VIPAS39: variants seen among roughly 807,000 people sequenced by gnomAD.
VIPAS39 encodes spermatogenesis-defective protein 39 homolog.
In VIPAS39, 63 loss-of-function variants were observed where a neutral mutation model predicts 84.7. The ratio of observed to expected loss-of-function variants is 0.74; its 90% CI spans 0.61 to 0.92. The LOEUF (loss-of-function observed/expected upper bound fraction) is 0.92. VIPAS39 is among the 40% of genes least tolerant of loss of function. The pLI, the probability that VIPAS39 is intolerant of heterozygous loss-of-function variation, is 0.00. For synonymous variants in VIPAS39, 192 were observed against 216.5 expected (o/e 0.89, Z 0.99); for missense variants, 499 against 604.5 (o/e 0.83, Z 1.83).
chr14:77,442,564 A>G lies in VIPAS39; in HGVS notation c.730T>C (p.Phe244Leu). The change falls in exon 10 of 20, where the codon TTC (phenylalanine) becomes CTC (leucine). Residue 244 changes from phenylalanine (F) to leucine (L), a missense_variant. Transcript: ENST00000557658. ...IGDQKLLLDL[F>L]RFLDRTEELA... is the part of the protein sequence containing the mutation. ...GACCAGATGATCAGTTCTTACCTGA[A>G]GAGGTCTAAAAGCAACTTTTGATCC... The G allele has an allele frequency of 6.2e-7, 1 of 1,613,604 alleles. No individual in the cohort carries two copies. The highest frequency in any genetic ancestry group is 8.5e-7 in the Non-Finnish European group (1 of 1,179,490).
At chr14:77,450,923 G>A (rs1332834402) in intron 4 of VIPAS39, among the ~76,000 whole-genome samples, 1 of 152,196 alleles carries the variant, frequency 6.6e-6, no homozygotes, top group East Asian at 1.9e-4. Context: ...TGCACAAGGA[G>A]TAGGGAGGAA....
chr14:77,428,280 C>T (rs1177837151), intron 19 of VIPAS39, 90 bp downstream of exon 19: 2 of 1,216,234 alleles, frequency 1.6e-6, no homozygotes, highest in East Asian at 2.5e-5. Flanking sequence ...CAACTGCAAT[C>T]CTTCCAGACC....
In VIPAS39 at chr14:77,428,342, G is replaced by A; in HGVS notation, c.1461+28C>T. On this transcript the variant is annotated intron_variant, in intron 19 of 19. Coordinates refer to ENST00000557658, the MANE Select transcript of VIPAS39 (RefSeq NM_001193315.2). ...TGTGAACTGTCTGTCTCCTGAGCCT[G>A]CTGGAGGGGTGAACTGTAGCTGCTC... 5.6e-6 allele frequency: 9 copies of A among 1,594,398 alleles called. No homozygotes were observed. In the South Asian group the frequency reaches 9.9e-5, roughly 18 times the overall value.
intron 9 of VIPAS39, 21 bp downstream of exon 9, chr14:77,443,098 T>G (rs756196520): frequency 1.2e-6 from 2 of 1,614,208 alleles, no homozygotes; most frequent in Non-Finnish European, 1.7e-6. Flanking sequence ...TGACTGAAGA[T>G]TTCCTGCAAG....
chr14:77,430,698 C>G (rs1181540104), intron 16 of VIPAS39, among the ~76,000 whole-genome samples: 2 of 126,140 alleles, frequency 1.6e-5, no homozygotes, highest in African/African-American at 3.0e-5. Context: ...GCCTGGGTGA[C>G]AGAGCAAGAC....
intron 18 of VIPAS39, 119 bp downstream of exon 18, chr14:77,428,887 T>C (rs2078472922): frequency 4.5e-6 from 4 of 894,040 alleles, no homozygotes; most frequent in Non-Finnish European, 7.4e-6. Context: ...CAGATTATTC[T>C]GTCCATTCAG....
intron 8 of VIPAS39, 71 bp downstream of exon 8, chr14:77,444,178 C>T (rs1945867817): frequency 7.0e-7 from 1 of 1,430,886 alleles, no homozygotes; most frequent in Non-Finnish European, 9.8e-7. Context: ...AAATGTTAGT[C>T]TATTTGATTG....
At chr14:77,438,688 A>G (rs1419085678) in intron 11 of VIPAS39, among the ~76,000 whole-genome samples, 2 of 152,210 alleles carry the variant, frequency 1.3e-5, no homozygotes, top group Non-Finnish European at 2.9e-5. Context: ...TTAGATTTTG[A>G]AAAGTCCAAG....
chr14:77,449,692 TAA>T lies in VIPAS39; in HGVS notation c.382+20_382+21del. ...GATCAGTAACATTTCCCACAGCAAT[TAA>T]AAGAGGGTTCAATGCCTACCATCAG... On this transcript the variant is annotated intron_variant, in intron 5 of 19. Coordinates refer to ENST00000557658, the MANE Select transcript of VIPAS39 (RefSeq NM_001193315.2). The T allele has an allele frequency of 6.2e-7, 1 of 1,614,020 alleles. No homozygotes were observed. Among genetic ancestry groups the T allele is most frequent in the Non-Finnish European group, 8.5e-7 (1 of 1,179,956 alleles).
At chr14:77,429,581 A>G (rs2078487411) in intron 17 of VIPAS39, 100 bp downstream of exon 17, 1 of 1,256,196 alleles carries the variant, frequency 8.0e-7, no homozygotes. Context: ...CCTTTAAGGG[A>G]AAACAAGAGC....
chr14:77,454,542 C>T (rs536277201), intron 1 of VIPAS39, among the ~76,000 whole-genome samples: 22 of 152,088 alleles, frequency 1.4e-4, no homozygotes, highest in Admixed American at 4.6e-4. Flanking sequence ...GGCATGGTGG[C>T]GCATGCCTGT....
chr14:77,445,508 G>A (rs2078774278), intron 7 of VIPAS39, among the ~76,000 whole-genome samples: 1 of 151,876 alleles, frequency 6.6e-6, no homozygotes, highest in African/African-American at 2.4e-5. Context: ...GTGCAGCCTC[G>A]ACTTCCTGGG....
chr14:77,442,993 AGGCCAC>A (rs2078726492), intron 9 of VIPAS39, 120 bp downstream of exon 9: 1 of 1,296,544 alleles, frequency 7.7e-7, no homozygotes, highest in African/African-American at 1.8e-5. Flanking sequence ...CTGAAGTCTC[AGGCCAC>A]CCCACTTGTC....
intron 16 of VIPAS39, among the ~76,000 whole-genome samples, chr14:77,431,971 A>G (rs1401778181): frequency 6.6e-6 from 1 of 152,256 alleles, no homozygotes; most frequent in African/African-American, 2.4e-5. Flanking sequence ...ACAAATGGAT[A>G]CAGAAACTAT....
At position 77,426,894 on chromosome 14, in the gene VIPAS39, T is replaced by C. The variant is rs934732555; in HGVS notation, c.*722A>G. ...TGAGATTTTTGCATAAAGAGAGAGC[T>C]CTCCAGCACTGCTGCATCTGAGCTT... On this transcript the variant is annotated 3_prime_UTR_variant, in exon 20 of 20. Transcript: ENST00000557658. 37 of 152,120 alleles carry C rather than the reference T, an allele frequency of 2.4e-4. No individual in the cohort carries two copies. The highest frequency in any genetic ancestry group is 8.9e-4 in the African/African-American group (37 of 41,422). The allele number at this position is 152,120 out of a possible 1,614,324, so 9.4% of individuals were successfully genotyped here. A position where few individuals can be genotyped will look rare whatever the true frequency, so the allele number is the denominator to read the frequency against.
Position 77,444,186 on chromosome 14 carries a change from T to C in VIPAS39, c.597+63A>G, listed in dbSNP as rs2078749438. On this transcript the variant is annotated intron_variant, in intron 8 of 19. Coordinates refer to ENST00000557658, the MANE Select transcript of VIPAS39 (RefSeq NM_001193315.2). ...TAACACAAAATGTTAGTCTATTTGA[T>C]TGGATTTTCAGAAACTAGTGAAAAC... 3 of 1,497,598 alleles carry C rather than the reference T, an allele frequency of 2.0e-6. No individual in the cohort carries two copies. In the African/African-American group the frequency reaches 4.1e-5, roughly 21 times the overall value. The allele number at this position is 1,497,598 out of a possible 1,614,324, so 92.8% of individuals were successfully genotyped here. A position where few individuals can be genotyped will look rare whatever the true frequency, so the allele number is the denominator to read the frequency against.
rs769426372 is a variant in VIPAS39 at position 77,454,051 on chromosome 14, T to C, written c.52A>G (p.Lys18Glu). The stretch of plus-strand genomic sequence containing the variant: ...TCTTCATCGTCAAAGGTAAAAGCCT[T>C]GAACTTGGAGCTGTTCCAATACTCC... ...EEEYWNSSKF[K>E]AFTFDDEDDE... The change falls in exon 2 of 20, where the codon AAG becomes GAG. Residue 18 changes from lysine (K) to glutamate (E), a missense_variant. Transcript: ENST00000557658. The C allele has an allele frequency of 6.2e-7, 1 of 1,614,198 alleles. No homozygotes were observed. The highest frequency in any genetic ancestry group is 8.5e-7 in the Non-Finnish European group (1 of 1,180,030).
At chr14:77,443,852 G>A (rs1047778549) in intron 8 of VIPAS39, among the ~76,000 whole-genome samples, 10 of 142,946 alleles carry the variant, frequency 7.0e-5, no homozygotes, top group African/African-American at 2.1e-4. Context: ...TAGCCTGGGC[G>A]ACAGAGTGAG....
chr14:77,449,214 G>C, intron 6 of VIPAS39, 79 bp downstream of exon 6: 1 of 1,459,880 alleles, frequency 6.8e-7, no homozygotes, highest in Non-Finnish European at 9.6e-7. Flanking sequence ...TCAAATAGTT[G>C]GGAAAATCAA....
Sources: gnomAD v4.1 joint callset for allele counts (sites outside exome capture counted in the v4.1 genomes callset) on GRCh38, gnomAD v4.1.1 for gene constraint, MANE v1.5 for transcripts, NCBI Gene and HGNC (gene_info 2026-07-23, HGNC 2026-07-21) for gene names.